Variants in ATXN7 observed in about 807,000 individuals in gnomAD.
The protein encoded by ATXN7 is ataxin-7.
In ATXN7, 12 loss-of-function variants were observed where a neutral mutation model predicts 70.5. That is an observed-to-expected ratio of 0.17 (90% CI 0.11 to 0.28). ATXN7 has a LOEUF of 0.28. ATXN7 is among the 10% of genes least tolerant of loss of function. The probability of loss-of-function intolerance (pLI) is 1.00; values close to 1 mark genes in which losing one functional copy is unlikely to be tolerated. For synonymous variants in ATXN7, 498 were observed against 448.7 expected, an observed-to-expected ratio of 1.11 and a Z score of -1.39; for missense variants, 1,256 against 1,131.7, an observed-to-expected ratio of 1.11 and a Z score of -1.58.
chr3:63,920,673 AT>A (rs1704476779), intron 4 of ATXN7, among the ~76,000 whole-genome samples: 1 of 151,904 alleles, frequency 6.6e-6, no homozygotes, highest in Non-Finnish European at 1.5e-5. Context: ...CTTTTATAAC[AT>A]TTTTTCTTTG....
At chr3:63,880,067 C>T (rs1430215518) in intron 1 of ATXN7, among the ~76,000 whole-genome samples, 1 of 151,906 alleles carries the variant, frequency 6.6e-6, no homozygotes, top group Non-Finnish European at 1.5e-5. Context: ...TCCTGGGCAA[C>T]AGAGCAAGAC....
chr3:63,916,579 T>A (rs997722130), intron 4 of ATXN7, among the ~76,000 whole-genome samples: 1 of 152,154 alleles, frequency 6.6e-6, no homozygotes, highest in African/African-American at 2.4e-5. Context: ...AACTCTTGAT[T>A]TAGATGGAGG....
chr3:63,888,874 A>G (rs1315616297), intron 1 of ATXN7, among the ~76,000 whole-genome samples: 1 of 152,214 alleles, frequency 6.6e-6, no homozygotes, highest in African/African-American at 2.4e-5. Context: ...GGCAGCTGCT[A>G]ATCGGTTCTC....
At chr3:63,942,225 T>G (rs2074780908) in intron 4 of ATXN7, among the ~76,000 whole-genome samples, 1 of 152,172 alleles carries the variant, frequency 6.6e-6, no homozygotes, top group African/African-American at 2.4e-5. Flanking sequence ...GAGGAGCTCA[T>G]CTAATAAGAT....
chr3:63,915,052 C>G (rs1450601330), intron 4 of ATXN7, among the ~76,000 whole-genome samples: 1 of 151,956 alleles, frequency 6.6e-6, no homozygotes, highest in Non-Finnish European at 1.5e-5. Flanking sequence ...TCTCCTGCCT[C>G]AGCCTCCCGA....
At chr3:63,913,316 C>G in intron 4 of ATXN7, 91 bp downstream of exon 4, 1 of 1,212,866 alleles carries the variant, frequency 8.2e-7, no homozygotes, top group Non-Finnish European at 1.2e-6. Flanking sequence ...CCCACCATAC[C>G]GACTCCCCGA....
chr3:63,927,997 C>A (rs1048890894), intron 4 of ATXN7, among the ~76,000 whole-genome samples: 3 of 152,180 alleles, frequency 2.0e-5, no homozygotes, highest in Non-Finnish European at 4.4e-5. Context: ...ATAATCTATT[C>A]ATGAATCATA....
intron 5 of ATXN7, among the ~76,000 whole-genome samples, chr3:63,972,911 C>T (rs919928004): frequency 2.0e-5 from 3 of 152,178 alleles, no homozygotes; most frequent in African/African-American, 7.2e-5. Context: ...GAGTACTTTT[C>T]TGTCTAAATA....
intron 9 of ATXN7, among the ~76,000 whole-genome samples, chr3:63,989,910 A>G (rs1242841391): frequency 6.6e-6 from 1 of 152,206 alleles, no homozygotes; most frequent in East Asian, 1.9e-4. Flanking sequence ...TAGAAGAGGG[A>G]TCTGAACCAC....
chr3:63,879,865 C>T (rs922724299), intron 1 of ATXN7, among the ~76,000 whole-genome samples: 7 of 151,750 alleles, frequency 4.6e-5, no homozygotes, highest in Non-Finnish European at 7.4e-5. Context: ...AGGTGGATCA[C>T]GAGGTCAGGA....
upstream of ATXN7, chr3:63,863,450 C>T: frequency 8.8e-7 from 1 of 1,134,874 alleles, no homozygotes; most frequent in Non-Finnish European, 1.1e-6. Flanking sequence ...CCGCTTCTAG[C>T]CGTCTCGGCC....
At chr3:63,892,806 TACAAGA>T (rs1703325163) in intron 1 of ATXN7, among the ~76,000 whole-genome samples, 1 of 152,158 alleles carries the variant, frequency 6.6e-6, no homozygotes, top group Admixed American at 6.6e-5. Context: ...GCCCTAGGGA[TACAAGA>T]ATGAAATGTT....
At chr3:63,950,205 C>T (rs1235580255) in intron 4 of ATXN7, among the ~76,000 whole-genome samples, 1 of 152,106 alleles carries the variant, frequency 6.6e-6, no homozygotes, top group Non-Finnish European at 1.5e-5. Flanking sequence ...ACATGATAAA[C>T]ATCATGTGAC....
intron 1 of ATXN7, among the ~76,000 whole-genome samples, chr3:63,877,733 A>G (rs1225272586): frequency 6.6e-6 from 1 of 152,240 alleles, no homozygotes; most frequent in African/African-American, 2.4e-5. Flanking sequence ...TCTTTAAATC[A>G]GCTCTTATTC....
intron 8 of ATXN7, among the ~76,000 whole-genome samples, chr3:63,985,400 A>G (rs1168690194): frequency 6.6e-6 from 1 of 152,272 alleles, no homozygotes; most frequent in East Asian, 1.9e-4. Context: ...AGATCAGCAT[A>G]GAACTGGCAG....
chr3:63,957,868 G>A (rs751735592), intron 5 of ATXN7, among the ~76,000 whole-genome samples: 2 of 152,206 alleles, frequency 1.3e-5, no homozygotes, highest in Non-Finnish European at 2.9e-5. Context: ...ATCTACTGAG[G>A]CCAGCCTTAG....
chr3:63,869,299 A>T (rs2107195177), intron 1 of ATXN7, among the ~76,000 whole-genome samples: 1 of 152,320 alleles, frequency 6.6e-6, no homozygotes, highest in South Asian at 2.1e-4. Flanking sequence ...ATTAAATGGG[A>T]TAATAAATGC....
At chr3:63,935,209 G>C (rs2074636590) in intron 4 of ATXN7, among the ~76,000 whole-genome samples, 1 of 152,100 alleles carries the variant, frequency 6.6e-6, no homozygotes, top group African/African-American at 2.4e-5. Flanking sequence ...CATTATGGAG[G>C]AGATCACTTA....
At chr3:63,911,290 TA>T (rs1704005219) in intron 2 of ATXN7, among the ~76,000 whole-genome samples, 2 of 152,190 alleles carry the variant, frequency 1.3e-5, no homozygotes, top group Admixed American at 6.5e-5. Context: ...GGTCATTAAG[TA>T]GCCTTTTATT....
Sources: gnomAD v4.1 joint callset for allele counts (sites outside exome capture counted in the v4.1 genomes callset) on GRCh38, gnomAD v4.1.1 for gene constraint, MANE v1.5 for transcripts, NCBI Gene and HGNC (gene_info 2026-07-23, HGNC 2026-07-21) for gene names.